TFEB: variants seen among roughly 807,000 people sequenced by gnomAD.
TFEB encodes T-cell transcription factor EB.
In TFEB, 12 loss-of-function variants were observed where a neutral mutation model predicts 48.0. The ratio of observed to expected loss-of-function variants is 0.25; its 90% CI spans 0.16 to 0.40. The LOEUF (loss-of-function observed/expected upper bound fraction) is 0.40. TFEB is among the 10% of genes least tolerant of loss of function. The pLI is 1.00. For missense variants in TFEB, 509 were observed against 640.3 expected, an observed-to-expected ratio of 0.79 and a Z score of 2.21; for synonymous variants, 244 against 261.4, an observed-to-expected ratio of 0.93 and a Z score of 0.64.
At chr6:41,703,790 ATG>A (rs1257435003) in intron 1 of TFEB, among the ~76,000 whole-genome samples, 2 of 152,236 alleles carry the variant, frequency 1.3e-5, no homozygotes, top group African/African-American at 4.8e-5. Context: ...CTGCATTGAT[ATG>A]TGTTACTGAT....
Position 41,690,651 on chromosome 6 carries a change from C to G in TFEB, c.468+12G>C. 1.3e-6 allele frequency: 2 copies of G among 1,511,362 alleles called. No individual in the cohort carries two copies. Among genetic ancestry groups the G allele is most frequent in the Middle Eastern group, 2.1e-4 (1 of 4,748 alleles). 93.6% of individuals were successfully genotyped at this position (1,511,362 alleles called of 1,614,324 possible). A position where few individuals can be genotyped will look rare whatever the true frequency, so the allele number is the denominator to read the frequency against. On this transcript the variant is annotated intron_variant, in intron 3 of 8. Coordinates refer to ENST00000373033, the MANE Select transcript of TFEB (RefSeq NM_001271944.2). ...TGCAAGCAGCATGGCCACTGGCCAG[C>G]TCCTCACTCACCTCCCTCTCAGGGT... is the stretch of plus-strand genomic sequence containing the variant.
chr6:41,695,790 C>T (rs539020646), intron 1 of TFEB, among the ~76,000 whole-genome samples: 7 of 152,220 alleles, frequency 4.6e-5, no homozygotes, highest in South Asian at 2.1e-4. Flanking sequence ...GGAATATGTG[C>T]GACTTGTGTG....
chr6:41,719,569 C>T (rs1770890465), intron 1 of TFEB, among the ~76,000 whole-genome samples: 1 of 152,166 alleles, frequency 6.6e-6, no homozygotes, highest in African/African-American at 2.4e-5. Flanking sequence ...GAGACTGAGA[C>T]CTAGGAGGCC....
rs544770059 is a variant in TFEB, at chr6:41,700,106, AC to A, written c.-22-8872del. ...TCTTCAGTATATTTCATGAAATGGA[AC>A]CGCTCTGCCAAGTGGGGACACTTAC... On this transcript the variant is annotated intron_variant, in intron 1 of 8. Transcript: ENST00000373033. 1.7e-3 allele frequency among the ~76,000 whole-genome samples: 262 copies of A among 152,240 alleles called. 2 individuals are homozygous for A. Among genetic ancestry groups the A allele is most frequent in the African/African-American group, 5.2e-3 (215 of 41,538 alleles).
chr6:41,686,283 T>C, intron 7 of TFEB, 46 bp from the exon 8 acceptor site: 1 of 1,606,142 alleles, frequency 6.2e-7, no homozygotes, highest in Non-Finnish European at 8.5e-7. Flanking sequence ...CTCAGAAGAG[T>C]GGCCAAATCC....
intron 1 of TFEB, among the ~76,000 whole-genome samples, chr6:41,699,308 G>A (rs1416984033): frequency 1.3e-5 from 2 of 152,242 alleles, no homozygotes; most frequent in African/African-American, 4.8e-5. Flanking sequence ...CCCACTGGGG[G>A]CATCCCTGCA....
chr6:41,691,034 C>A lies in TFEB; in HGVS notation c.180G>T (p.Gln60His). 1 of 1,575,444 alleles carries A rather than the reference C, an allele frequency of 6.3e-7. No individual in the cohort carries two copies. The highest frequency in any genetic ancestry group is 8.6e-7 in the Non-Finnish European group (1 of 1,159,054). The change falls in exon 2 of 9, where the codon CAG becomes CAT. Residue 60 changes from glutamine to histidine, a missense_variant. This residue lies in a region of TFEB where 251 missense variants were observed against 317.2 expected (regional missense o/e 0.79). Transcript: ENST00000373033. This position sits in a 1 kb window ranked among gnomAD's most constrained non-coding sequence, Gnocchi z 5.2. The part of the protein sequence containing the change: ...TPAINTPVHF[Q>H]SPPPVPGEVL... ...CCTCCCCAGGCACAGGTGGTGGCGA[C>A]TGGAAGTGGACGGGGGTATTGATGG...
intron 1 of TFEB, among the ~76,000 whole-genome samples, chr6:41,722,510 C>A (rs998551409): frequency 6.6e-6 from 1 of 152,220 alleles, no homozygotes; most frequent in Admixed American, 6.5e-5. Context: ...CTGAGTGGAC[C>A]ATTCTGCCAT....
intron 1 of TFEB, among the ~76,000 whole-genome samples, chr6:41,712,673 G>A (rs1211259386): frequency 1.3e-5 from 2 of 152,182 alleles, no homozygotes; most frequent in South Asian, 2.1e-4. Context: ...AGGAGCTGAC[G>A]GAGCCACTGC....
At chr6:41,686,569 G>A (rs1581869966) in intron 7 of TFEB, 2 of 250,926 alleles carry the variant, frequency 8.0e-6, no homozygotes, top group South Asian at 1.5e-4. Context: ...GGAATGCAGT[G>A]CAGTAGCGAG....
intron 1 of TFEB, among the ~76,000 whole-genome samples, chr6:41,732,413 C>G (rs1041065499): frequency 6.6e-6 from 1 of 152,202 alleles, no homozygotes; most frequent in Admixed American, 6.5e-5. Flanking sequence ...ACTCTAAACA[C>G]ACAATAAATG....
chr6:41,698,673 G>T (rs1334630033), intron 1 of TFEB, among the ~76,000 whole-genome samples: 2 of 152,318 alleles, frequency 1.3e-5, no homozygotes, highest in African/African-American at 4.8e-5. Flanking sequence ...TGGGGGAGCT[G>T]CCCGGTCAGT....
In TFEB at chr6:41,684,953, G is replaced by C. The variant is rs377137291; in HGVS notation, c.1077C>G (p.Ala359=). The change falls in exon 9 of 9, where the codon GCC becomes GCG. Residue 359 remains alanine (A), a synonymous_variant. Transcript: ENST00000373033. The part of the protein sequence containing the change: ...ELPSEEGPGE[A]LMLGAEVPDP... ...CAGGGACCTCAGCCCCCAGCATCAG[G>C]GCCTCCCCTGGGCCCTCTTCGCTAG... 2.7e-5 allele frequency: 42 copies of C among 1,584,844 alleles called. No individual in the cohort carries two copies. The highest frequency in any genetic ancestry group is 3.5e-5 in the Non-Finnish European group (41 of 1,165,790).
rs774729745 is a variant in TFEB at position 41,691,838 on chromosome 6, G to A, written c.-22-603C>T. 1.3e-5 allele frequency among the ~76,000 whole-genome samples: 2 copies of A among 152,048 alleles called. No individual in the cohort carries two copies. The highest frequency in any genetic ancestry group is 2.4e-5 in the African/African-American group (1 of 41,400). On this transcript the variant is annotated intron_variant, in intron 1 of 8. Coordinates refer to ENST00000373033, the MANE Select transcript of TFEB (RefSeq NM_001271944.2). This position sits in a 1 kb window ranked among gnomAD's most constrained non-coding sequence, Gnocchi z 5.2. ...GGCCCCCTAGGATCTGGCCCACCTC[G>A]TGTTCCCCTTTGACCCCATCCGCCA... is the stretch of plus-strand genomic sequence containing the variant.
chr6:41,690,360 C>T (rs1458950022), intron 3 of TFEB, among the ~76,000 whole-genome samples: 1 of 152,242 alleles, frequency 6.6e-6, no homozygotes, highest in African/African-American at 2.4e-5. Flanking sequence ...AAACTCCTGA[C>T]CTCAAGTGAT....
Position 41,687,736 on chromosome 6 carries a change from G to A in TFEB, c.727+17C>T, listed in dbSNP as rs745383313. The A allele has an allele frequency of 3.1e-6, 5 of 1,613,940 alleles. No individual in the cohort carries two copies. In the East Asian group the frequency reaches 8.9e-5, roughly 29 times the overall value. On this transcript the variant is annotated intron_variant, in intron 6 of 8. Coordinates refer to ENST00000373033, the MANE Select transcript of TFEB (RefSeq NM_001271944.2). ...CAAGGAAGAGGGAGGCAGGGAGAGGGGCGGGGCAGGACTCACTTAAGTTGT... is the reference window on the plus strand; with the variant it reads ...CAAGGAAGAGGGAGGCAGGGAGAGGAGCGGGGCAGGACTCACTTAAGTTGT...
At chr6:41,727,186 C>T (rs1771248716) in intron 1 of TFEB, among the ~76,000 whole-genome samples, 1 of 152,200 alleles carries the variant, frequency 6.6e-6, no homozygotes, top group East Asian at 1.9e-4. Flanking sequence ...CCCCTGACAG[C>T]AGGACTTGGA....
At position 41,734,642 on chromosome 6, in the gene TFEB, G is replaced by A. The variant is rs1771594992; in HGVS notation, c.-23+708C>T. On this transcript the variant is annotated intron_variant, in intron 1 of 8. Coordinates refer to ENST00000373033, the MANE Select transcript of TFEB (RefSeq NM_001271944.2). This position sits in a 1 kb window ranked among gnomAD's most constrained non-coding sequence, Gnocchi z 4.0. ...GGAGGCAGACAACGGGGCGCACGGAGGGAGCGCTCCGGGGTTGGTGTTCCC... is the reference window on the plus strand; with the variant it reads ...GGAGGCAGACAACGGGGCGCACGGAAGGAGCGCTCCGGGGTTGGTGTTCCC... Among the ~76,000 whole-genome samples the A allele has an allele frequency of 6.6e-6, 1 of 151,854 alleles. No homozygotes were observed. The highest frequency in any genetic ancestry group is 2.4e-5 in the African/African-American group (1 of 41,358).
At chr6:41,706,990 C>T (rs527645801) in intron 1 of TFEB, among the ~76,000 whole-genome samples, 1 of 152,222 alleles carries the variant, frequency 6.6e-6, no homozygotes, top group South Asian at 2.1e-4. Flanking sequence ...GGAGGAGCAT[C>T]GGGAAGTCTG....
Sources: gnomAD v4.1 joint callset for allele counts (sites outside exome capture counted in the v4.1 genomes callset) on GRCh38, gnomAD v4.1.1 for gene constraint, gnomAD v4.1.1 regional missense constraint, Gnocchi (gnomAD v3.1) non-coding constraint, MANE v1.5 for transcripts, NCBI Gene and HGNC (gene_info 2026-07-23, HGNC 2026-07-21) for gene names.